Variants in SCAF11 observed in about 807,000 individuals in gnomAD.
SCAF11 encodes SR-related CTD associated factor 11, also known as protein SCAF11.
In SCAF11, 47 loss-of-function variants were observed where a neutral mutation model predicts 140.5. The ratio of observed to expected loss-of-function variants is 0.33; its 90% CI spans 0.26 to 0.43. SCAF11 has a LOEUF of 0.43. Ranked by LOEUF, SCAF11 falls within the 20% of genes least tolerant of loss-of-function variation. The pLI, the probability that SCAF11 is intolerant of heterozygous loss-of-function variation, is 1.00. For synonymous variants in SCAF11, 557 were observed against 579.4 expected (o/e 0.96, Z 0.55); for missense variants, 1,645 against 1,705.1 (o/e 0.96, Z 0.62).
At chr12:45,965,076 C>G (rs1945913608) in intron 1 of SCAF11, among the ~76,000 whole-genome samples, 1 of 152,032 alleles carries the variant, frequency 6.6e-6, no homozygotes, top group Non-Finnish European at 1.5e-5. Context: ...CAATGTAAAT[C>G]AAGTATGGCT....
At chr12:45,943,730 A>T (rs1210442498) in intron 6 of SCAF11, among the ~76,000 whole-genome samples, 1 of 152,176 alleles carries the variant, frequency 6.6e-6, no homozygotes, top group Non-Finnish European at 1.5e-5. Flanking sequence ...CTCTTGTATT[A>T]CCCACTCAAA....
chr12:45,972,955 TATAG>T (rs1248248148), intron 1 of SCAF11, among the ~76,000 whole-genome samples: 1 of 135,566 alleles, frequency 7.4e-6, no homozygotes, highest in African/African-American at 2.9e-5. Flanking sequence ...TATATAGATA[TATAG>T]ATATATATAT....
At chr12:45,965,278 T>C (rs1945919388) in intron 1 of SCAF11, among the ~76,000 whole-genome samples, 1 of 152,196 alleles carries the variant, frequency 6.6e-6, no homozygotes, top group African/African-American at 2.4e-5. Flanking sequence ...CTAAAGTAAC[T>C]GGCTGTGAAG....
chr12:45,984,389 G>A (rs747408343), intron 1 of SCAF11, among the ~76,000 whole-genome samples: 18 of 152,094 alleles, frequency 1.2e-4, no homozygotes, highest in Non-Finnish European at 2.4e-4. Context: ...CTATTTGACA[G>A]TAATTATGAT....
At chr12:45,941,304 T>C (rs1327758975) in intron 6 of SCAF11, among the ~76,000 whole-genome samples, 1 of 152,204 alleles carries the variant, frequency 6.6e-6, no homozygotes, top group Non-Finnish European at 1.5e-5. Flanking sequence ...ACAAAAATTG[T>C]ATATATTTAA....
chr12:45,955,566 A>T (rs1945668749), intron 3 of SCAF11: 1 of 152,752 alleles, frequency 6.5e-6, no homozygotes, highest in Non-Finnish European at 1.5e-5. Flanking sequence ...TTACAATTAA[A>T]TTTCCAAGTT....
intron 6 of SCAF11, among the ~76,000 whole-genome samples, chr12:45,941,954 C>G (rs1945312762): frequency 6.6e-6 from 1 of 152,194 alleles, no homozygotes; most frequent in African/African-American, 2.4e-5. Flanking sequence ...TCTTCCTTAG[C>G]CCACTCAATG....
intron 6 of SCAF11, among the ~76,000 whole-genome samples, chr12:45,936,768 T>C (rs1945182372): frequency 6.6e-6 from 1 of 152,248 alleles, no homozygotes; most frequent in South Asian, 2.1e-4. Flanking sequence ...AATCTCACAT[T>C]GTTCTTCCAT....
chr12:45,950,271 T>C (rs1592193216), intron 4 of SCAF11, among the ~76,000 whole-genome samples: 2 of 152,140 alleles, frequency 1.3e-5, no homozygotes, highest in East Asian at 3.9e-4. Context: ...ATTCAAGAAG[T>C]TCAATTGCAA....
At chr12:45,933,356 G>T in intron 8 of SCAF11, 124 bp from the exon 9 acceptor site, 1 of 528,376 alleles carries the variant, frequency 1.9e-6, no homozygotes, top group Non-Finnish European at 3.3e-6. Context: ...TTACAAGCAT[G>T]TGAGCTCTTT....
At position 45,926,902 on chromosome 12, in the gene SCAF11, A is replaced by C. The variant is rs1453180399; in HGVS notation, c.2799T>G (p.Ser933=). ...RERERRTRKW[S]RSRSHSRSPS... ...GGGACCTAGAATGAGATCTGGACCT[A>C]GACCACTTTCTGGTTCTCCTTTCTC... Residue 933 remains serine (S), a synonymous_variant, in exon 11 of 15, where the codon TCT becomes TCG. Transcript: ENST00000369367. 6.2e-7 allele frequency: 1 copy of C among 1,613,562 alleles called. No homozygotes were observed. The highest frequency in any genetic ancestry group is 1.7e-5 in the Admixed American group (1 of 60,028).
chr12:45,978,910 AAAC>A (rs1946292948), intron 1 of SCAF11, among the ~76,000 whole-genome samples: 1 of 152,164 alleles, frequency 6.6e-6, no homozygotes, highest in Middle Eastern at 3.4e-3. Context: ...ACAAACAAAC[AAAC>A]AAAAGACACT....
At chr12:45,976,849 A>G (rs990940517) in intron 1 of SCAF11, among the ~76,000 whole-genome samples, 2 of 152,120 alleles carry the variant, frequency 1.3e-5, no homozygotes, top group Non-Finnish European at 2.9e-5. Flanking sequence ...AGGAACAGAA[A>G]TCAATGAAAT....
chr12:45,985,029 C>G (rs990106661), intron 1 of SCAF11, among the ~76,000 whole-genome samples: 24 of 152,196 alleles, frequency 1.6e-4, no homozygotes, highest in Non-Finnish European at 1.5e-5. Flanking sequence ...AAATGAAGCT[C>G]ACCTTGTACT....
chr12:45,980,991 G>A (rs1054871421), intron 1 of SCAF11, among the ~76,000 whole-genome samples: 2 of 152,076 alleles, frequency 1.3e-5, no homozygotes, highest in Admixed American at 1.3e-4. Flanking sequence ...TTTGTTTTAG[G>A]GAAACAGGGC....
intron 3 of SCAF11, among the ~76,000 whole-genome samples, chr12:45,958,302 G>C (rs767960125): frequency 9.2e-5 from 14 of 152,164 alleles, no homozygotes; most frequent in Non-Finnish European, 1.8e-4. Context: ...TGTGTGTCAA[G>C]ACTTCTCTGT....
chr12:45,982,125 G>A (rs1946363315), intron 1 of SCAF11, among the ~76,000 whole-genome samples: 1 of 152,106 alleles, frequency 6.6e-6, no homozygotes, highest in Non-Finnish European at 1.5e-5. Context: ...TTCTGTGGCA[G>A]TTTTGAAACA....
intron 1 of SCAF11, among the ~76,000 whole-genome samples, chr12:45,982,842 T>C (rs1202144240): frequency 1.3e-5 from 2 of 152,196 alleles, no homozygotes. Context: ...AAATAACTAC[T>C]GTGGTCAGGG....
intron 1 of SCAF11, among the ~76,000 whole-genome samples, chr12:45,986,486 T>C (rs1007395961): frequency 6.6e-6 from 1 of 152,204 alleles, no homozygotes; most frequent in Non-Finnish European, 1.5e-5. Flanking sequence ...TGCTAACTAA[T>C]TCTCCCAGAT....
Sources: allele counts gnomAD v4.1 joint callset (sites outside exome capture counted in the v4.1 genomes callset), GRCh38; gene constraint gnomAD v4.1.1; transcripts MANE v1.5; gene names NCBI Gene and HGNC (gene_info 2026-07-23, HGNC 2026-07-21).